Variants in ST3GAL4 observed in about 807,000 individuals in gnomAD.
ST3GAL4 encodes ST3 beta-galactoside alpha-2,3-sialyltransferase 4.
Under a neutral mutation model 42.6 loss-of-function variants are expected in ST3GAL4, and 24 were observed. The observed-to-expected ratio is 0.56, with a 90% CI of 0.41 to 0.79. The LOEUF (loss-of-function observed/expected upper bound fraction) is 0.79. Among genes scored for constraint, ST3GAL4 ranks in the 30% least tolerant of loss-of-function variants. ST3GAL4 has a pLI of 0.00. For synonymous variants in ST3GAL4, 135 were observed against 163.2 expected (o/e 0.83, Z 1.32); for missense variants, 311 against 430.8 (o/e 0.72, Z 2.46).
rs2135517837 is a variant in ST3GAL4 at position 126,400,292 on chromosome 11, A to C, written c.-60-5804A>C. 6.6e-6 allele frequency among the ~76,000 whole-genome samples: 1 copy of C among 152,328 alleles called. No individual in the cohort carries two copies. Among genetic ancestry groups the C allele is most frequent in the Non-Finnish European group, 1.5e-5 (1 of 68,038 alleles). On this transcript the variant is annotated intron_variant, in intron 1 of 10. Coordinates refer to ENST00000444328, the MANE Select transcript of ST3GAL4 (RefSeq NM_001254757.2). This position sits in a 1 kb window ranked among gnomAD's most constrained non-coding sequence, Gnocchi z 4.6. ...GCAAGACAGATCAAGAGGGGACCTA[A>C]CTGGCCTTTTATAAGGAACCCAGTT...
In ST3GAL4 at chr11:126,359,972, G is replaced by A. The variant is rs1013896439; in HGVS notation, c.-61+4130G>A. ...CCCAGCCAAAGTGGCTGCTCCTGGC[G>A]TCTGGCATCCTGATTCCTGCCAGGC... is the stretch of plus-strand genomic sequence containing the variant. On this transcript the variant is annotated intron_variant, in intron 1 of 10. Coordinates refer to ENST00000444328, the MANE Select transcript of ST3GAL4 (RefSeq NM_001254757.2). This position sits in a 1 kb window ranked among gnomAD's most constrained non-coding sequence, Gnocchi z 4.8. Among the ~76,000 whole-genome samples, 10 of 152,252 alleles carry A rather than the reference G, an allele frequency of 6.6e-5. No homozygotes were observed. Among genetic ancestry groups the A allele is most frequent in the South Asian group, 2.1e-4 (1 of 4,834 alleles).
At chr11:126,403,304 A>G (rs1954090068) in intron 1 of ST3GAL4, 1 of 826,852 alleles carries the variant, frequency 1.2e-6, no homozygotes, top group Non-Finnish European at 1.5e-6. Flanking sequence ...AAGAAGGGCT[A>G]ATTGTCTTGT....
intron 1 of ST3GAL4, among the ~76,000 whole-genome samples, chr11:126,405,137 A>G (rs1418601723): frequency 2.0e-5 from 3 of 152,230 alleles, no homozygotes; most frequent in Admixed American, 2.0e-4. Flanking sequence ...AAGTGGTCCA[A>G]AGGACTCTTC....
intron 1 of ST3GAL4, among the ~76,000 whole-genome samples, chr11:126,372,373 G>T (rs535757053): frequency 6.6e-6 from 1 of 151,108 alleles, no homozygotes; most frequent in East Asian, 1.9e-4. Context: ...GTTGATCCAT[G>T]TTGCAGTGTA....
At position 126,407,591 on chromosome 11, in the gene ST3GAL4, G is replaced by C. The variant is rs1565425402; in HGVS notation, c.298G>C (p.Val100Leu). ...TTTTGTAGAGGATCTGCTCCTCCGG[G>C]TGCTAGCCATCACCAGCTCCTCCAT... ...TKGSEDLLLR[V>L]LAITSSSIPK... Residue 100 changes from valine to leucine, a missense_variant, in exon 6 of 11, where the codon GTG (valine) becomes CTG (leucine). Physicochemically the swap from Val to Leu is conservative, Grantham distance 32. Coordinates refer to ENST00000444328, the MANE Select transcript of ST3GAL4 (RefSeq NM_001254757.2). 7 of 1,614,128 alleles carry C rather than the reference G, an allele frequency of 4.3e-6. No individual in the cohort carries two copies. The highest frequency in any genetic ancestry group is 1.3e-5 in the African/African-American group (1 of 75,024).
chr11:126,362,685 C>G (rs1952286901), intron 1 of ST3GAL4, among the ~76,000 whole-genome samples: 1 of 152,170 alleles, frequency 6.6e-6, no homozygotes, highest in African/African-American at 2.4e-5. Flanking sequence ...TCCTGGCATC[C>G]TTTGTCCCCG....
In ST3GAL4 at chr11:126,386,466, G is replaced by T. The variant is rs1459431663; in HGVS notation, c.-60-19630G>T. ...GGGTCCCCAGCCTGTGCTGGGACAG[G>T]GGTATTATTCCAGTAGCCCTTCTGT... On this transcript the variant is annotated intron_variant, in intron 1 of 10. Coordinates refer to ENST00000444328, the MANE Select transcript of ST3GAL4 (RefSeq NM_001254757.2). This position sits in a 1 kb window ranked among gnomAD's most constrained non-coding sequence, Gnocchi z 4.7. Among the ~76,000 whole-genome samples, 1 of 152,080 alleles carries T rather than the reference G, an allele frequency of 6.6e-6. No homozygotes were observed. The highest frequency in any genetic ancestry group is 2.4e-5 in the African/African-American group (1 of 41,430).
chr11:126,412,107 G>C (rs1169427950), intron 9 of ST3GAL4, among the ~76,000 whole-genome samples: 1 of 152,088 alleles, frequency 6.6e-6, no homozygotes, highest in Non-Finnish European at 1.5e-5. Flanking sequence ...TAGGGGGCGG[G>C]GGGTGGTAAC....
intron 8 of ST3GAL4, 65 bp downstream of exon 8, chr11:126,408,561 C>CA: frequency 1.3e-6 from 2 of 1,571,070 alleles, no homozygotes; most frequent in Non-Finnish European, 8.7e-7. Context: ...GTCAGGACCT[C>CA]ACGCTCCTTG....
chr11:126,413,082 T>C (rs907443713), intron 9 of ST3GAL4, among the ~76,000 whole-genome samples: 2 of 152,106 alleles, frequency 1.3e-5, no homozygotes, highest in Non-Finnish European at 2.9e-5. Flanking sequence ...CATGTGGCTA[T>C]TTACTTATTT....
intron 1 of ST3GAL4, among the ~76,000 whole-genome samples, chr11:126,371,355 G>A (rs553729299): frequency 6.6e-6 from 1 of 151,508 alleles, no homozygotes; most frequent in African/African-American, 2.4e-5. Flanking sequence ...AGTAGAGACG[G>A]GGTTTCACCA....
chr11:126,380,967 C>G (rs898991240), intron 1 of ST3GAL4, among the ~76,000 whole-genome samples: 1 of 152,204 alleles, frequency 6.6e-6, no homozygotes, highest in African/African-American at 2.4e-5. Context: ...TCTGTACATG[C>G]GTGCCTGGAA....
chr11:126,371,233 C>T (rs529521460), intron 1 of ST3GAL4, among the ~76,000 whole-genome samples: 45 of 125,038 alleles, frequency 3.6e-4, no homozygotes, highest in African/African-American at 9.5e-4. Context: ...GGCGCGATCT[C>T]GGCTCACTGC....
At position 126,391,936 on chromosome 11, in the gene ST3GAL4, C is replaced by CAT. The variant is rs147051433; in HGVS notation, c.-60-14160_-60-14159insAT. Among the ~76,000 whole-genome samples, 10,287 of 144,374 alleles carry CAT rather than the reference C, an allele frequency of 0.071. 522 individuals are homozygous for CAT. The highest frequency in any genetic ancestry group is 0.26 in the East Asian group (1,307 of 4,980). The allele number at this position is 144,374 out of a possible 152,430, so 94.7% of individuals were successfully genotyped here. A position where few individuals can be genotyped will look rare whatever the true frequency, so the allele number is the denominator to read the frequency against. ...CTCAGAACACCTGTGATAACTTGGT[C>CAT]GTGTGTGTGTGTGTGTGTGTGTGTG... On this transcript the variant is annotated intron_variant, in intron 1 of 10. Transcript: ENST00000444328. The surrounding 1 kb of genome is among the most constrained non-coding windows in gnomAD (Gnocchi z 5.5).
intron 1 of ST3GAL4, among the ~76,000 whole-genome samples, chr11:126,381,123 T>G (rs1298419533): frequency 1.3e-5 from 2 of 152,186 alleles, no homozygotes; most frequent in African/African-American, 4.8e-5. Context: ...TGGCCTCTGT[T>G]GGCTTTGAGA....
intron 1 of ST3GAL4, among the ~76,000 whole-genome samples, chr11:126,395,038 C>T (rs1029367833): frequency 6.6e-6 from 1 of 152,002 alleles, no homozygotes; most frequent in Non-Finnish European, 1.5e-5. Context: ...AGGAAGCCTC[C>T]CCGTGCCCAG....
At chr11:126,389,333 AT>A (rs1448757263) in intron 1 of ST3GAL4, among the ~76,000 whole-genome samples, 13 of 152,224 alleles carry the variant, frequency 8.5e-5, no homozygotes, top group Non-Finnish European at 1.3e-4. Context: ...ATGACGTTAG[AT>A]TTTTTTCCTT....
Position 126,400,830 on chromosome 11 carries a change from C to G in ST3GAL4, c.-60-5266C>G, listed in dbSNP as rs1237431154. ...TGCACTGTGAAGTATTTCTCAGAGT[C>G]TAGACAATGTGACCTTCACACTGGG... On this transcript the variant is annotated intron_variant, in intron 1 of 10. Transcript: ENST00000444328. This position sits in a 1 kb window ranked among gnomAD's most constrained non-coding sequence, Gnocchi z 4.6. 1.3e-5 allele frequency among the ~76,000 whole-genome samples: 2 copies of G among 152,138 alleles called. No individual in the cohort carries two copies. Among genetic ancestry groups the G allele is most frequent in the Non-Finnish European group, 2.9e-5 (2 of 68,032 alleles).
intron 1 of ST3GAL4, among the ~76,000 whole-genome samples, chr11:126,371,925 A>G (rs1952666747): frequency 6.6e-6 from 1 of 152,034 alleles, no homozygotes; most frequent in Admixed American, 6.6e-5. Context: ...TTTAATCTGT[A>G]TTCCCTGGTT....
Sources: allele counts gnomAD v4.1 joint callset (sites outside exome capture counted in the v4.1 genomes callset), GRCh38; gene constraint gnomAD v4.1.1; non-coding constraint Gnocchi (gnomAD v3.1); transcripts MANE v1.5; gene names NCBI Gene and HGNC (gene_info 2026-07-23, HGNC 2026-07-21).